C12orf54: variants seen among roughly 807,000 people sequenced by gnomAD.
C12orf54 encodes the protein uncharacterized protein C12orf54.
In C12orf54, 24 loss-of-function variants were observed where a neutral mutation model predicts 26.4. The ratio of observed to expected loss-of-function variants is 0.91; its 90% CI spans 0.66 to 1.28. C12orf54 has a LOEUF of 1.28. Among genes scored for constraint, C12orf54 ranks in the 50% most tolerant of loss-of-function variants. The pLI is 0.00. For synonymous variants in C12orf54, 54 were observed against 47.0 expected, an observed-to-expected ratio of 1.15 and a Z score of -0.61; for missense variants, 154 against 150.9, an observed-to-expected ratio of 1.02 and a Z score of -0.11.
chr12:48,463,959 A>G, the C12orf54 span, among the ~76,000 whole-genome samples: 3 of 152,138 alleles, frequency 2.0e-5, no homozygotes, highest in Non-Finnish European at 4.4e-5. Context: ...ATCTATAACA[A>G]ACCCACAGCT....
upstream of C12orf54, among the ~76,000 whole-genome samples, chr12:48,479,816 G>A (rs1027725955): frequency 1.3e-5 from 2 of 151,832 alleles, no homozygotes; most frequent in East Asian, 1.9e-4. Flanking sequence ...CCCCTCAGAC[G>A]AGCCAAACTT....
the C12orf54 span, among the ~76,000 whole-genome samples, chr12:48,434,830 A>G: frequency 6.6e-6 from 1 of 152,092 alleles, no homozygotes; most frequent in Non-Finnish European, 1.5e-5. Flanking sequence ...AACAGAAAAA[A>G]CAGAAATTCT....
the C12orf54 span, among the ~76,000 whole-genome samples, chr12:48,477,447 T>C: frequency 3.9e-5 from 6 of 152,156 alleles, no homozygotes; most frequent in African/African-American, 1.4e-4. Flanking sequence ...AAAAAATTAA[T>C]GAATCCAGGA....
the C12orf54 span, among the ~76,000 whole-genome samples, chr12:48,477,210 C>T: frequency 6.6e-6 from 1 of 152,096 alleles, no homozygotes; most frequent in Non-Finnish European, 1.5e-5. Flanking sequence ...AGAACGAAGA[C>T]ACAACATAGC....
At chr12:48,451,486 G>T in the C12orf54 span, among the ~76,000 whole-genome samples, 1 of 152,202 alleles carries the variant, frequency 6.6e-6, no homozygotes, top group South Asian at 2.1e-4. Flanking sequence ...TAGAAGTTCT[G>T]GCCAGGGCAA....
chr12:48,490,697 C>CCCATAT, intron 5 of C12orf54, 115 bp from the exon 6 acceptor site: 1 of 1,168,906 alleles, frequency 8.6e-7, no homozygotes, highest in Non-Finnish European at 1.2e-6. Flanking sequence ...GTCCAAGAAG[C>CCCATAT]CCATATTTTC....
chr12:48,469,228 G>C, the C12orf54 span, among the ~76,000 whole-genome samples: 2 of 152,170 alleles, frequency 1.3e-5, no homozygotes, highest in Admixed American at 6.5e-5. Context: ...GCCTGGGGGC[G>C]CTGCAGGAGA....
At chr12:48,445,001 G>C in the C12orf54 span, among the ~76,000 whole-genome samples, 152 of 152,064 alleles carry the variant, frequency 1.0e-3, no homozygotes, top group African/African-American at 3.6e-3. Context: ...TGAAACCCTG[G>C]CTCTACTAAA....
At chr12:48,438,445 A>C in the C12orf54 span, among the ~76,000 whole-genome samples, 2 of 152,248 alleles carry the variant, frequency 1.3e-5, no homozygotes, top group African/African-American at 4.8e-5. Flanking sequence ...CCACATCATC[A>C]AGTCAATTCT....
chr12:48,446,635 C>T, the C12orf54 span, among the ~76,000 whole-genome samples: 16,309 of 152,134 alleles, frequency 0.11, 912 homozygotes, highest in Middle Eastern at 0.12. Flanking sequence ...TAGCTGATTC[C>T]ACCGGGAATT....
At chr12:48,439,962 T>G in the C12orf54 span, among the ~76,000 whole-genome samples, 5 of 152,170 alleles carry the variant, frequency 3.3e-5, no homozygotes, top group Non-Finnish European at 4.4e-5. Context: ...CGGTGGCTCA[T>G]GCCTGTAATC....
At chr12:48,425,038 T>C in the C12orf54 span, among the ~76,000 whole-genome samples, 1 of 152,154 alleles carries the variant, frequency 6.6e-6, no homozygotes, top group Non-Finnish European at 1.5e-5. Context: ...GTGAATTATA[T>C]GTAGGCTATA....
the C12orf54 span, among the ~76,000 whole-genome samples, chr12:48,445,870 A>G: frequency 2.0e-5 from 3 of 152,188 alleles, no homozygotes; most frequent in Admixed American, 6.5e-5. Context: ...GGAGCAGACC[A>G]AAACATCTTA....
intron 4 of C12orf54, chr12:48,488,155 T>G (rs1186318865): frequency 1.3e-6 from 1 of 760,772 alleles, no homozygotes; most frequent in African/African-American, 1.7e-5. Context: ...TACTGGAACC[T>G]TATGAATGAG....
At chr12:48,470,482 A>G in the C12orf54 span, among the ~76,000 whole-genome samples, 189 of 152,228 alleles carry the variant, frequency 1.2e-3, no homozygotes, top group Non-Finnish European at 2.2e-3. Context: ...TCTTTCGAGA[A>G]GTGTCTGTTC....
At chr12:48,495,939 C>T (rs778197933) in intron 8 of C12orf54, among the ~76,000 whole-genome samples, 6 of 152,126 alleles carry the variant, frequency 3.9e-5, no homozygotes, top group Non-Finnish European at 7.4e-5. Context: ...TCCTCTAGTA[C>T]GACATAGACA....
chr12:48,436,682 A>G, the C12orf54 span, among the ~76,000 whole-genome samples: 3 of 152,372 alleles, frequency 2.0e-5, no homozygotes, highest in East Asian at 3.9e-4. Flanking sequence ...ATCAAGGCAG[A>G]AATAAAGATG....
chr12:48,474,818 G>C, the C12orf54 span, among the ~76,000 whole-genome samples: 12 of 152,224 alleles, frequency 7.9e-5, no homozygotes, highest in Non-Finnish European at 1.2e-4. Flanking sequence ...CCACCTCTAG[G>C]GGCAGGGCAC....
At chr12:48,493,632 A>T (rs1382517562) in intron 7 of C12orf54, among the ~76,000 whole-genome samples, 2 of 8,912 alleles carry the variant, frequency 2.2e-4, no homozygotes, top group East Asian at 4.6e-3. Context: ...CTCATTAAAA[A>T]AAAAAAAAAA....
Sources: gnomAD v4.1 joint callset for allele counts (sites outside exome capture counted in the v4.1 genomes callset) on GRCh38, gnomAD v4.1.1 for gene constraint, MANE v1.5 for transcripts, NCBI Gene and HGNC (gene_info 2026-07-23, HGNC 2026-07-21) for gene names.